Variants in CDH18 observed in about 807,000 individuals in gnomAD.
The protein encoded by CDH18 is cadherin-18.
In CDH18, 31 loss-of-function variants were observed where a neutral mutation model predicts 67.9. The ratio of observed to expected loss-of-function variants is 0.46; its 90% CI spans 0.34 to 0.62. CDH18 has a LOEUF of 0.62. Among genes scored for constraint, CDH18 ranks in the 20% least tolerant of loss-of-function variants. The pLI is 0.01. For synonymous variants in CDH18, 362 were observed against 347.2 expected (o/e 1.04, Z -0.48); for missense variants, 890 against 975.5 (o/e 0.91, Z 1.17).
intron 5 of CDH18, among the ~76,000 whole-genome samples, chr5:19,720,188 T>C (rs1765898533): frequency 6.6e-6 from 1 of 152,168 alleles, no homozygotes; most frequent in Admixed American, 6.6e-5. Flanking sequence ...TAAATAAATC[T>C]ATAATCTGTA....
chr5:20,147,454 A>C (rs1750737681), intron 2 of CDH18, among the ~76,000 whole-genome samples: 1 of 152,120 alleles, frequency 6.6e-6, no homozygotes, highest in South Asian at 2.1e-4. Flanking sequence ...AAATAAGAAA[A>C]CATAAAATAA....
Position 19,848,428 on chromosome 5 carries a change from C to G in CDH18, c.-256-9186G>C, listed in dbSNP as rs945861217. Among the ~76,000 whole-genome samples the G allele has an allele frequency of 4.6e-5, 7 of 152,082 alleles. No homozygotes were observed. The South Asian group carries it at 1.4e-3, about 32-fold the overall frequency. On this transcript the variant is annotated intron_variant, in intron 2 of 12. Transcript: ENST00000382275. The stretch of plus-strand genomic sequence containing the variant: ...TAGATTCAGTTAGTTTCACACTCAC[C>G]TGATATGGAGGAGGAGCCTCTTAAT...
chr5:20,402,176 T>C (rs2150130587), intron 1 of CDH18, among the ~76,000 whole-genome samples: 1 of 152,328 alleles, frequency 6.6e-6, no homozygotes, highest in Non-Finnish European at 1.5e-5. Context: ...ACATGTAACC[T>C]ACTCAGAAAG....
At chr5:19,833,711 T>C (rs900593526) in intron 3 of CDH18, among the ~76,000 whole-genome samples, 1 of 152,168 alleles carries the variant, frequency 6.6e-6, no homozygotes, top group Admixed American at 6.6e-5. Context: ...ACCTAGTTTA[T>C]TGAGAGTTTT....
At chr5:20,010,477 G>A (rs1441483535) in intron 2 of CDH18, among the ~76,000 whole-genome samples, 5 of 152,028 alleles carry the variant, frequency 3.3e-5, no homozygotes, top group East Asian at 1.9e-4. Context: ...CCAAAGTTCC[G>A]GGATTAGAAG....
chr5:19,803,635 C>T (rs1231927490), intron 3 of CDH18, among the ~76,000 whole-genome samples: 4 of 152,104 alleles, frequency 2.6e-5, no homozygotes, highest in Non-Finnish European at 4.4e-5. Context: ...TGGCACAGGT[C>T]GACTGTCATT....
At chr5:20,455,243 T>C (rs538110506) in intron 1 of CDH18, among the ~76,000 whole-genome samples, 3 of 152,110 alleles carry the variant, frequency 2.0e-5, no homozygotes, top group South Asian at 2.1e-4. Context: ...AAACACCCTG[T>C]TGGGAAGTGT....
chr5:19,922,396 G>T (rs1230643360), intron 2 of CDH18, among the ~76,000 whole-genome samples: 2 of 152,098 alleles, frequency 1.3e-5, no homozygotes, highest in African/African-American at 4.8e-5. Flanking sequence ...GTTCACAAAT[G>T]TTAAATATAG....
At chr5:19,817,990 T>G (rs934779411) in intron 3 of CDH18, among the ~76,000 whole-genome samples, 2 of 152,120 alleles carry the variant, frequency 1.3e-5, no homozygotes, top group African/African-American at 4.8e-5. Flanking sequence ...ATTCCAGGTA[T>G]CACAAAATAT....
At chr5:20,251,366 G>A (rs186090913) in intron 2 of CDH18, among the ~76,000 whole-genome samples, 34 of 152,076 alleles carry the variant, frequency 2.2e-4, no homozygotes, top group Non-Finnish European at 1.5e-4. Flanking sequence ...TGCTCACACC[G>A]ATAGATAAAA....
At chr5:20,380,096 A>C (rs1412531096) in intron 1 of CDH18, among the ~76,000 whole-genome samples, 2 of 152,188 alleles carry the variant, frequency 1.3e-5, no homozygotes, top group African/African-American at 4.8e-5. Context: ...TGAGGGATGA[A>C]ATAGCACAAA....
intron 2 of CDH18, among the ~76,000 whole-genome samples, chr5:20,077,669 C>A (rs1561771656): frequency 6.6e-6 from 1 of 152,246 alleles, no homozygotes; most frequent in African/African-American, 2.4e-5. Flanking sequence ...AGCAACATGG[C>A]TGTCTTTTCA....
intron 5 of CDH18, among the ~76,000 whole-genome samples, chr5:19,701,832 T>C (rs540302265): frequency 6.6e-6 from 1 of 152,252 alleles, no homozygotes; most frequent in South Asian, 2.1e-4. Context: ...GAGACTTCCC[T>C]ATTATCTAAA....
At chr5:19,634,256 G>T (rs79824754) in intron 5 of CDH18, among the ~76,000 whole-genome samples, 4 of 152,144 alleles carry the variant, frequency 2.6e-5, no homozygotes, top group Non-Finnish European at 5.9e-5. Context: ...ATTTACTAAA[G>T]TCAGATGATG....
intron 11 of CDH18, among the ~76,000 whole-genome samples, chr5:19,497,813 C>T (rs902787120): frequency 3.3e-5 from 5 of 152,074 alleles, no homozygotes; most frequent in African/African-American, 1.2e-4. Flanking sequence ...GGTGTTTTTA[C>T]AATAGTTGCT....
chr5:19,976,547 G>C (rs1798524950), intron 2 of CDH18, among the ~76,000 whole-genome samples: 1 of 152,114 alleles, frequency 6.6e-6, no homozygotes, highest in African/African-American at 2.4e-5. Flanking sequence ...GGTTTCAGAA[G>C]ATCAGATGGC....
At chr5:19,635,062 GGTGATAT>G (rs1331153147) in intron 5 of CDH18, among the ~76,000 whole-genome samples, 33 of 152,132 alleles carry the variant, frequency 2.2e-4, no homozygotes, top group African/African-American at 7.7e-4. Context: ...ACTCCTGTGA[GGTGATAT>G]AACACAATGT....
intron 2 of CDH18, among the ~76,000 whole-genome samples, chr5:20,178,597 T>G (rs577679219): frequency 6.6e-6 from 1 of 151,630 alleles, no homozygotes; most frequent in East Asian, 1.9e-4. Flanking sequence ...TCTTTCTTTT[T>G]TTTTTTGTTC....
chr5:19,659,222 C>A (rs968913344), intron 5 of CDH18, among the ~76,000 whole-genome samples: 1 of 152,054 alleles, frequency 6.6e-6, no homozygotes, highest in African/African-American at 2.4e-5. Context: ...ATAACTGCCA[C>A]CACCATCAAG....
Sources: allele counts gnomAD v4.1 joint callset (sites outside exome capture counted in the v4.1 genomes callset), GRCh38; gene constraint gnomAD v4.1.1; transcripts MANE v1.5; gene names NCBI Gene and HGNC (gene_info 2026-07-23, HGNC 2026-07-21).